The following TTLL3 variants were observed in gnomAD, a reference collection of about 807,000 sequenced individuals.
The protein encoded by TTLL3 is tubulin tyrosine ligase like 3, also known as tubulin monoglycylase TTLL3.
TTLL3 carries 63 observed loss-of-function variants against 75.2 expected under a neutral mutation model. That is an observed-to-expected ratio of 0.84 (90% CI 0.68 to 1.03). The LOEUF (loss-of-function observed/expected upper bound fraction) is 1.03, where lower values mean the gene tolerates loss of function less well. TTLL3 is among the 50% of genes least tolerant of loss of function. TTLL3 has a pLI of 0.00. For missense variants in TTLL3, 997 were observed against 1,069.9 expected (o/e 0.93, Z 0.95); for synonymous variants, 393 against 418.5 (o/e 0.94, Z 0.74).
chr3:9,833,410 C>A, intron 12 of TTLL3, 165 bp downstream of exon 12: 1 of 1,136,736 alleles, frequency 8.8e-7, no homozygotes, highest in Non-Finnish European at 1.2e-6. Context: ...CTGCCCCAAT[C>A]TCTGGGAGTG....
chr3:9,820,342 G>A, intron 7 of TTLL3: 1 of 1,429,342 alleles, frequency 7.0e-7, no homozygotes. Flanking sequence ...TCCTGGGACA[G>A]TGGGAGCCAA....
intron 12 of TTLL3, chr3:9,834,398 A>T: frequency 1.6e-6 from 1 of 625,310 alleles, no homozygotes; most frequent in South Asian, 1.5e-5. Context: ...CAACCTAGCA[A>T]GGTAGGTGCT....
In TTLL3 at chr3:9,834,508, G is replaced by GC. The variant is rs760562877; in HGVS notation, c.1826-173_1826-172insC. On this transcript the variant is annotated intron_variant, in intron 12 of 13. Coordinates refer to ENST00000685419, the MANE Select transcript of TTLL3 (RefSeq NM_001387446.1). ...ACAGCTGGGATGCAGACCCAGGTCTGTTGGACTCTACCCTGTTTTCTTCTC... is the reference window on the plus strand; with the variant it reads ...ACAGCTGGGATGCAGACCCAGGTCTGCTTGGACTCTACCCTGTTTTCTTCTC... The GC allele has an allele frequency of 1.2e-5, 13 of 1,079,806 alleles. 1 individual carries two copies. The South Asian group carries it at 1.8e-4, about 15-fold the overall frequency. 66.9% of individuals were successfully genotyped at this position (1,079,806 alleles called of 1,614,324 possible).
chr3:9,830,128 C>G (rs1037655775), intron 11 of TTLL3, among the ~76,000 whole-genome samples: 2 of 152,194 alleles, frequency 1.3e-5, no homozygotes, highest in African/African-American at 4.8e-5. Flanking sequence ...CAGGCAGAAG[C>G]CACCGTGCCC....
chr3:9,825,705 A>T, intron 8 of TTLL3, 95 bp from the exon 9 acceptor site: 1 of 1,609,088 alleles, frequency 6.2e-7, no homozygotes, highest in Non-Finnish European at 8.5e-7. Context: ...GGCTGCCTGG[A>T]TGACGGCGGG....
chr3:9,813,697 A>G (rs1033047808), intron 4 of TTLL3, among the ~76,000 whole-genome samples: 1 of 152,130 alleles, frequency 6.6e-6, no homozygotes, highest in African/African-American at 2.4e-5. Flanking sequence ...AGGTGGGAGG[A>G]TCACTTGAAC....
rs1553714850 is a variant in TTLL3, at chr3:9,825,794, C to T, written c.855-6C>T. The T allele has an allele frequency of 3.7e-6, 6 of 1,614,064 alleles. No individual in the cohort carries two copies. The highest frequency in any genetic ancestry group is 2.5e-6 in the Non-Finnish European group (3 of 1,179,998). On this transcript the variant is annotated splice_region_variant and splice_polypyrimidine_tract_variant and intron_variant, in intron 8 of 13. Coordinates refer to ENST00000685419, the MANE Select transcript of TTLL3 (RefSeq NM_001387446.1). Reference sequence around the variant, plus strand: ...GCCCTGCCCAAGTTCTATCATTTCCCCACAGCGAAGGGGCAGAACTCAGGC... The same window carrying T: ...GCCCTGCCCAAGTTCTATCATTTCCTCACAGCGAAGGGGCAGAACTCAGGC...
intron 7 of TTLL3, chr3:9,819,980 G>C (rs564878363): frequency 1.0e-6 from 1 of 987,350 alleles, no homozygotes; most frequent in African/African-American, 1.7e-5. Context: ...GGGTGAGTCA[G>C]GTCTGTAGAT....
chr3:9,834,474 A>G, intron 12 of TTLL3: 1 of 835,028 alleles, frequency 1.2e-6, no homozygotes, highest in South Asian at 1.4e-5. Context: ...TGCACAGCTC[A>G]GAAGGGGCAC....
chr3:9,815,299 T>C (rs555954850), intron 4 of TTLL3, among the ~76,000 whole-genome samples: 2 of 151,726 alleles, frequency 1.3e-5, no homozygotes, highest in Non-Finnish European at 2.9e-5. Flanking sequence ...GGCAGCTTCA[T>C]ATGGGTCAAT....
chr3:9,813,447 GC>G, intron 4 of TTLL3, 102 bp downstream of exon 4: 1 of 1,331,028 alleles, frequency 7.5e-7, no homozygotes, highest in Non-Finnish European at 1.0e-6. Flanking sequence ...CTTTCTCTGG[GC>G]CACAGTTTCC....
chr3:9,825,218 G>A (rs752717591), intron 8 of TTLL3, among the ~76,000 whole-genome samples: 7 of 152,060 alleles, frequency 4.6e-5, no homozygotes, highest in African/African-American at 1.2e-4. Context: ...GTGTGGTGGC[G>A]TATGCCTGTA....
intron 12 of TTLL3, 152 bp downstream of exon 12, chr3:9,833,397 G>C: frequency 1.6e-6 from 2 of 1,229,220 alleles, no homozygotes; most frequent in Non-Finnish European, 2.2e-6. Context: ...CCACAGCCCT[G>C]GTCTGCCCCA....
At position 9,827,161 on chromosome 3, in the gene TTLL3, A is replaced by C. The variant is rs746932018; in HGVS notation, c.1168A>C (p.Asn390His). ...LRQWFLVTDWNPLTVWFYRDS... is the reference protein window; with the variant it reads ...LRQWFLVTDWHPLTVWFYRDS... ...ACAGTGGTTCCTGGTAACTGACTGG[A>C]ACCCACTTACCGTGTGGTTCTACCG... The change falls in exon 10 of 14, where the codon AAC becomes CAC. Residue 390 changes from asparagine to histidine, a missense_variant. Coordinates refer to ENST00000685419, the MANE Select transcript of TTLL3 (RefSeq NM_001387446.1). 1 of 1,614,100 alleles carries C rather than the reference A, an allele frequency of 6.2e-7. No homozygotes were observed. The highest frequency in any genetic ancestry group is 8.5e-7 in the Non-Finnish European group (1 of 1,180,040).
In TTLL3 at chr3:9,810,456, G is replaced by C; in HGVS notation, c.-42+62G>C. On this transcript the variant is annotated intron_variant, in intron 1 of 13. Transcript: ENST00000685419. The surrounding 1 kb of genome is among the most constrained non-coding windows in gnomAD (Gnocchi z 4.4). ...CGGCTGCGAGGACGACAAGACGCTGGGGTGGAGGGACTGGGGGTCGGGAGA... is the reference window on the plus strand; with the variant it reads ...CGGCTGCGAGGACGACAAGACGCTGCGGTGGAGGGACTGGGGGTCGGGAGA... 1 of 1,436,314 alleles carries C rather than the reference G, an allele frequency of 7.0e-7. No homozygotes were observed. The highest frequency in any genetic ancestry group is 9.1e-7 in the Non-Finnish European group (1 of 1,098,796). The allele number at this position is 1,436,314 out of a possible 1,614,324, so 89.0% of individuals were successfully genotyped here.
intron 8 of TTLL3, among the ~76,000 whole-genome samples, chr3:9,824,716 CTTT>C (rs1480143943): frequency 4.9e-5 from 7 of 144,166 alleles, no homozygotes; most frequent in African/African-American, 1.8e-4. Flanking sequence ...TCCCAGTTTA[CTTT>C]TTCTTTTCTT....
In TTLL3 at chr3:9,832,968, A is replaced by G. The variant is rs2081705966; in HGVS notation, c.1684-136A>G. 4 of 1,081,028 alleles carry G rather than the reference A, an allele frequency of 3.7e-6. No homozygotes were observed. The East Asian group carries it at 7.3e-5, about 20-fold the overall frequency. 67.0% of individuals were successfully genotyped at this position (1,081,028 alleles called of 1,614,324 possible). A position where few individuals can be genotyped will look rare whatever the true frequency, so the allele number is the denominator to read the frequency against. Reference sequence around the variant, plus strand: ...GTACTGACTCAGAGGTGGGCTTTCCATTTCTCAGCTCAGAAACGCCTCTTT... The same window carrying G: ...GTACTGACTCAGAGGTGGGCTTTCCGTTTCTCAGCTCAGAAACGCCTCTTT... On this transcript the variant is annotated intron_variant, in intron 11 of 13. Transcript: ENST00000685419.
In TTLL3 at chr3:9,835,721, C is replaced by T. The variant is rs1298291831; in HGVS notation, c.*232C>T. ...TGCCAGAACTGCCGAGCACTGGGAG[C>T]CCCCCAACCCCAGAGAACAAGCCAA... is the stretch of plus-strand genomic sequence containing the variant. On this transcript the variant is annotated 3_prime_UTR_variant, in exon 14 of 14. Transcript: ENST00000685419. 1.0e-5 allele frequency: 5 copies of T among 497,508 alleles called. No individual in the cohort carries two copies. The highest frequency in any genetic ancestry group is 3.6e-5 in the South Asian group (1 of 27,976). The allele number at this position is 497,508 out of a possible 1,614,324, so 30.8% of individuals were successfully genotyped here.
At chr3:9,828,056 TGCTTG>T in intron 10 of TTLL3, 1 of 150,776 alleles carries the variant, frequency 6.6e-6, no homozygotes, top group Admixed American at 6.6e-5. Context: ...ACAGGAGAAT[TGCTTG>T]AACCTGGGAG....
Sources: gnomAD v4.1 joint callset for allele counts (sites outside exome capture counted in the v4.1 genomes callset) on GRCh38, gnomAD v4.1.1 for gene constraint, Gnocchi (gnomAD v3.1) non-coding constraint, MANE v1.5 for transcripts, NCBI Gene and HGNC (gene_info 2026-07-23, HGNC 2026-07-21) for gene names.